ZNF121: variants seen among roughly 807,000 people sequenced by gnomAD.
ZNF121 encodes zinc finger protein 121, also known as zinc finger protein 121 (clone ZHC32).
ZNF121 carries 1 observed loss-of-function variant against 2.4 expected under a neutral mutation model. The observed-to-expected ratio is 0.41, with a 90% CI of 0.15 to 1.94. The LOEUF (loss-of-function observed/expected upper bound fraction) is 1.94, where lower values mean the gene tolerates loss of function less well. ZNF121 is among the 30% of genes most tolerant of loss of function. The pLI is 0.30. For synonymous variants in ZNF121, 173 were observed against 158.6 expected (o/e 1.09, Z -0.68); for missense variants, 369 against 466.3 (o/e 0.79, Z 1.92).
chr19:9,569,035 T>A lies in ZNF121; in HGVS notation c.-112A>T, dbSNP rs1266096293. 2 of 153,084 alleles carry A rather than the reference T, an allele frequency of 1.3e-5. No homozygotes were observed. Among genetic ancestry groups the A allele is most frequent in the Non-Finnish European group, 2.9e-5 (2 of 68,122 alleles). 9.5% of individuals were successfully genotyped at this position (153,084 alleles called of 1,614,324 possible). ...ACTCCGGTTGGCAATGTGCTCAACT[T>A]TTCCTTCTCCTCCTCCAGTCAAGAG... On this transcript the variant is annotated 5_prime_UTR_variant, in exon 2 of 4. Transcript: ENST00000320451.
At chr19:9,575,996 A>G (rs2074207611) in intron 1 of ZNF121, among the ~76,000 whole-genome samples, 1 of 152,202 alleles carries the variant, frequency 6.6e-6, no homozygotes, top group African/African-American at 2.4e-5. Context: ...GTTAAGCAAT[A>G]AACTAAACCA....
At chr19:9,577,355 CAGG>C (rs1395959305) in intron 1 of ZNF121, among the ~76,000 whole-genome samples, 2 of 151,878 alleles carry the variant, frequency 1.3e-5, no homozygotes, top group African/African-American at 4.8e-5. Flanking sequence ...GAGGCTGAGG[CAGG>C]AGAATCACTT....
intron 1 of ZNF121, among the ~76,000 whole-genome samples, chr19:9,576,751 CAAATA>C (rs2074212763): frequency 6.6e-6 from 1 of 151,742 alleles, no homozygotes; most frequent in Non-Finnish European, 1.5e-5. Flanking sequence ...AAAAAGGACC[CAAATA>C]AAATAAAAAA....
chr19:9,568,220 C>A, intron 2 of ZNF121, 45 bp from the exon 3 acceptor site: 1 of 920,450 alleles, frequency 1.1e-6, no homozygotes, highest in Non-Finnish European at 1.6e-6. Context: ...GGTCTGAGAA[C>A]AAAACAGTAG....
chr19:9,572,711 C>T (rs1275193249), intron 1 of ZNF121, among the ~76,000 whole-genome samples: 2 of 152,146 alleles, frequency 1.3e-5, no homozygotes, highest in African/African-American at 4.8e-5. Flanking sequence ...CAAAGGCAAA[C>T]GTGGGTTTAA....
rs1430831369 is a variant in ZNF121 at position 9,566,726 on chromosome 19, T to A, written c.387A>T (p.Thr129=). ...KQCGRAFTYS[T]SHAVSVKMHT... ...GCATTTTAACAGACACAGCATGGCTTGTGGAGTAAGTAAAAGCTCTCCCAC... is the reference window on the plus strand; with the variant it reads ...GCATTTTAACAGACACAGCATGGCTAGTGGAGTAAGTAAAAGCTCTCCCAC... Residue 129 remains threonine, a synonymous_variant, in exon 4 of 4, where the codon ACA becomes ACT. Transcript: ENST00000320451. The A allele has an allele frequency of 6.2e-7, 1 of 1,614,228 alleles. No individual in the cohort carries two copies. The highest frequency in any genetic ancestry group is 2.2e-5 in the East Asian group (1 of 44,884).
chr19:9,573,817 C>T (rs1468937882), intron 1 of ZNF121, among the ~76,000 whole-genome samples: 1 of 152,096 alleles, frequency 6.6e-6, no homozygotes, highest in Middle Eastern at 3.2e-3. Flanking sequence ...TCAAGGGAAA[C>T]CACACACAGG....
intron 1 of ZNF121, among the ~76,000 whole-genome samples, chr19:9,569,827 C>CT (rs1384636114): frequency 2.0e-5 from 3 of 148,274 alleles, no homozygotes; most frequent in Non-Finnish European, 4.4e-5. Context: ...GCCACCACGC[C>CT]TGGCCGAGAT....
At chr19:9,583,970 T>C (rs987046667) in intron 1 of ZNF121, among the ~76,000 whole-genome samples, 4 of 152,154 alleles carry the variant, frequency 2.6e-5, no homozygotes, top group African/African-American at 4.8e-5. Context: ...AAGTAATGTG[T>C]CAAAAATAAG....
chr19:9,574,432 G>A (rs4804450), intron 1 of ZNF121, among the ~76,000 whole-genome samples: 6,633 of 152,140 alleles, frequency 0.044, 210 homozygotes, highest in South Asian at 0.13. Context: ...AGGATTACAG[G>A]CACAAGCCAC....
chr19:9,580,159 G>A (rs923228708), intron 1 of ZNF121, among the ~76,000 whole-genome samples: 1 of 152,052 alleles, frequency 6.6e-6, no homozygotes, highest in African/African-American at 2.4e-5. Flanking sequence ...GGGCGTGTTG[G>A]CGGGCACCTG....
In ZNF121 at chr19:9,566,870, C is replaced by T. The variant is rs538101172; in HGVS notation, c.243G>A (p.Thr81=). 1.4e-5 allele frequency: 23 copies of T among 1,614,222 alleles called. No individual in the cohort carries two copies. Among genetic ancestry groups the T allele is most frequent in the Admixed American group, 1.0e-4 (6 of 60,024 alleles). The change falls in exon 4 of 4, where the codon ACG becomes ACA. Residue 81 remains threonine, a synonymous_variant. Transcript: ENST00000320451. The part of the protein sequence containing the change: ...FSLPPNVHQR[T]WIGDKSFEYS... ...ATTCAAAGGATTTGTCTCCTATCCA[C>T]GTTCTCTGGTGAACATTTGGTGGCA...
rs1304404616 is a variant in ZNF121, at chr19:9,564,267, T to C, written c.*1673A>G. ...TGGAGTCTTGGCTACTCAGGAGGCATAGGAAGGAGGATCACTTGAGGCCAG... is the reference window on the plus strand; with the variant it reads ...TGGAGTCTTGGCTACTCAGGAGGCACAGGAAGGAGGATCACTTGAGGCCAG... On this transcript the variant is annotated 3_prime_UTR_variant, in exon 4 of 4. Coordinates refer to ENST00000320451, the MANE Select transcript of ZNF121 (RefSeq NM_001008727.5). The C allele has an allele frequency of 2.0e-5, 3 of 151,976 alleles. No individual in the cohort carries two copies. The highest frequency in any genetic ancestry group is 4.8e-5 in the African/African-American group (2 of 41,372). 9.4% of individuals were successfully genotyped at this position (151,976 alleles called of 1,614,324 possible).
At chr19:9,582,635 G>A (rs1037784033) in intron 1 of ZNF121, among the ~76,000 whole-genome samples, 11 of 151,802 alleles carry the variant, frequency 7.2e-5, no homozygotes, top group African/African-American at 2.2e-4. Context: ...TCACATGGAC[G>A]CACCTAATGC....
At chr19:9,583,942 T>C (rs1262013877) in intron 1 of ZNF121, among the ~76,000 whole-genome samples, 1 of 152,240 alleles carries the variant, frequency 6.6e-6, no homozygotes, top group Non-Finnish European at 1.5e-5. Context: ...CCTAAACGAC[T>C]ATTTTTTTTC....
At chr19:9,570,562 TTTTG>T (rs988577448) in intron 1 of ZNF121, among the ~76,000 whole-genome samples, 16 of 152,078 alleles carry the variant, frequency 1.1e-4, no homozygotes, top group African/African-American at 2.9e-4. Context: ...CCCTGGGTTT[TTTTG>T]TTTGTTTGTT....
chr19:9,571,015 C>T (rs1316631160), intron 1 of ZNF121, among the ~76,000 whole-genome samples: 1 of 152,212 alleles, frequency 6.6e-6, no homozygotes, highest in African/African-American at 2.4e-5. Flanking sequence ...TCAGAATGCC[C>T]TGACCTACAG....
chr19:9,580,997 C>T (rs1357717692), intron 1 of ZNF121, among the ~76,000 whole-genome samples: 1 of 152,168 alleles, frequency 6.6e-6, no homozygotes, highest in African/African-American at 2.4e-5. Context: ...ACTGTCAGCC[C>T]TTATCAAACA....
In ZNF121 at chr19:9,566,817, TC is replaced by T; in HGVS notation, c.295del (p.Asp99IlefsTer10). ...EYSDCEEAFV[D>X]QSHLQANRIT... ...CCTATTTGCCTGAAGATGTGACTGA[TC>T]AACAAAGGCTTCCTCACAGTCACTG... On this transcript the variant is annotated frameshift_variant, in exon 4 of 4. Coordinates refer to ENST00000320451, the MANE Select transcript of ZNF121 (RefSeq NM_001008727.5). LOFTEE classifies it low-confidence loss of function (END_TRUNC). 1.2e-6 allele frequency: 2 copies of T among 1,614,218 alleles called. No homozygotes were observed. The highest frequency in any genetic ancestry group is 1.7e-6 in the Non-Finnish European group (2 of 1,180,040).
Sources: allele counts gnomAD v4.1 joint callset (sites outside exome capture counted in the v4.1 genomes callset), GRCh38; gene constraint gnomAD v4.1.1; transcripts MANE v1.5; gene names NCBI Gene and HGNC (gene_info 2026-07-23, HGNC 2026-07-21).